Variants in ZC3H12C observed in about 807,000 individuals in gnomAD.
ZC3H12C encodes probable ribonuclease ZC3H12C.
Under a neutral mutation model 76.3 loss-of-function variants are expected in ZC3H12C, and 20 were observed. The ratio of observed to expected loss-of-function variants is 0.26; its 90% CI spans 0.18 to 0.38. The LOEUF (loss-of-function observed/expected upper bound fraction) is 0.38. ZC3H12C is among the 10% of genes least tolerant of loss of function. The probability of loss-of-function intolerance (pLI) is 1.00; values close to 1 mark genes in which losing one functional copy is unlikely to be tolerated. For synonymous variants in ZC3H12C, 352 were observed against 399.6 expected, an observed-to-expected ratio of 0.88 and a Z score of 1.42; for missense variants, 874 against 1,086.5, an observed-to-expected ratio of 0.80 and a Z score of 2.75.
intron 1 of ZC3H12C, among the ~76,000 whole-genome samples, chr11:110,127,833 T>G (rs569609202): frequency 6.6e-6 from 1 of 151,398 alleles, no homozygotes. Flanking sequence ...GAGGTGGAGG[T>G]TGCACTAAGC....
intron 1 of ZC3H12C, among the ~76,000 whole-genome samples, chr11:110,120,220 A>C (rs1354159700): frequency 6.6e-6 from 1 of 152,166 alleles, no homozygotes; most frequent in Non-Finnish European, 1.5e-5. Flanking sequence ...CATTTTTATC[A>C]GCCTATCAAT....
rs1194141166 is a variant in ZC3H12C, at chr11:110,164,221, C to T, written c.1256-120C>T. 4.6e-6 allele frequency: 4 copies of T among 870,436 alleles called. No homozygotes were observed. Among genetic ancestry groups the T allele is most frequent in the Non-Finnish European group, 6.9e-6 (4 of 582,714 alleles). 53.9% of individuals were successfully genotyped at this position (870,436 alleles called of 1,614,324 possible). A position where few individuals can be genotyped will look rare whatever the true frequency, so the allele number is the denominator to read the frequency against. ...TTCTCAAGAGTAAAGAACAGAGTGA[C>T]ACTTAGCACAGCTCCCATTTCTATC... On this transcript the variant is annotated intron_variant, in intron 5 of 5. Coordinates refer to ENST00000278590, the MANE Select transcript of ZC3H12C (RefSeq NM_033390.2). The surrounding 1 kb of genome is among the most constrained non-coding windows in gnomAD (Gnocchi z 5.7).
intron 3 of ZC3H12C, among the ~76,000 whole-genome samples, chr11:110,158,524 T>A (rs681149): frequency 1.3e-5 from 2 of 151,532 alleles, no homozygotes; most frequent in Admixed American, 6.6e-5. Context: ...AAAAAAAAAA[T>A]CCAACCACAG....
intron 1 of ZC3H12C, among the ~76,000 whole-genome samples, chr11:110,116,300 A>G (rs1008496613): frequency 6.6e-6 from 1 of 152,334 alleles, no homozygotes; most frequent in African/African-American, 2.4e-5. Context: ...TTAATCTTCA[A>G]TAATTTTTTT....
intron 1 of ZC3H12C, among the ~76,000 whole-genome samples, chr11:110,094,740 T>G (rs1157685487): frequency 6.6e-6 from 1 of 152,248 alleles, no homozygotes; most frequent in Non-Finnish European, 1.5e-5. Flanking sequence ...TATTTCGGAC[T>G]TGACCCCCTG....
chr11:110,164,336 C>A lies in ZC3H12C; in HGVS notation c.1256-5C>A, dbSNP rs774348736. 6.3e-7 allele frequency: 1 copy of A among 1,594,076 alleles called. No individual in the cohort carries two copies. Among genetic ancestry groups the A allele is most frequent in the Non-Finnish European group, 8.5e-7 (1 of 1,170,856 alleles). ...CCTTTGCCTAATTAATTTTACTCTT[C>A]TTAGGAAAGAAGTGTACCTATGGAC... On this transcript the variant is annotated splice_polypyrimidine_tract_variant and splice_region_variant and intron_variant, in intron 5 of 5. Coordinates refer to ENST00000278590, the MANE Select transcript of ZC3H12C (RefSeq NM_033390.2). This position sits in a 1 kb window ranked among gnomAD's most constrained non-coding sequence, Gnocchi z 5.7.
intron 1 of ZC3H12C, among the ~76,000 whole-genome samples, chr11:110,093,714 TCCCGGC>T (rs1305594816): frequency 6.6e-6 from 1 of 151,916 alleles, no homozygotes; most frequent in Non-Finnish European, 1.5e-5. Context: ...AGGCCGGGCT[TCCCGGC>T]CCCGCGGCCT....
rs1591472555 is a variant in ZC3H12C at position 110,131,308 on chromosome 11, TAAA to T, written c.22-5354_22-5352del. ...TACACTTTTCTAGTCTAGAGTTATA[TAAA>T]TAATTACTTAGAGCTTCATGAACAT... is the stretch of plus-strand genomic sequence containing the variant. On this transcript the variant is annotated intron_variant, in intron 1 of 5. Transcript: ENST00000278590. The T allele has an allele frequency of 7.0e-6, 4 of 570,894 alleles. No individual in the cohort carries two copies. In the East Asian group the frequency reaches 1.2e-4, roughly 17 times the overall value. 35.4% of individuals were successfully genotyped at this position (570,894 alleles called of 1,614,324 possible).
intron 4 of ZC3H12C, among the ~76,000 whole-genome samples, chr11:110,160,584 G>A (rs1192664935): frequency 6.6e-6 from 1 of 151,898 alleles, no homozygotes; most frequent in Non-Finnish European, 1.5e-5. Context: ...ACAGGGTCAG[G>A]ATCATCAAAA....
At chr11:110,157,430 CTTTTTTT>C (rs1238127792) in intron 3 of ZC3H12C, among the ~76,000 whole-genome samples, 1 of 114,052 alleles carries the variant, frequency 8.8e-6, no homozygotes, top group Non-Finnish European at 1.9e-5. Context: ...AAGGTCTGGT[CTTTTTTT>C]TTTTTTTTTT....
At chr11:110,133,398 T>C (rs1015210483) in intron 1 of ZC3H12C, among the ~76,000 whole-genome samples, 1 of 152,204 alleles carries the variant, frequency 6.6e-6, no homozygotes, top group Non-Finnish European at 1.5e-5. Context: ...CACGATGACA[T>C]TGGATAACCT....
At chr11:110,111,041 C>G (rs1861418733) in intron 1 of ZC3H12C, among the ~76,000 whole-genome samples, 1 of 152,138 alleles carries the variant, frequency 6.6e-6, no homozygotes, top group Non-Finnish European at 1.5e-5. Context: ...TGCAGCTTAG[C>G]TTCGAGATCA....
At chr11:110,105,080 T>C (rs1335183138) in intron 1 of ZC3H12C, among the ~76,000 whole-genome samples, 1 of 152,234 alleles carries the variant, frequency 6.6e-6, no homozygotes, top group African/African-American at 2.4e-5. Context: ...TTCAAAATTA[T>C]GTGGGCTTAA....
At chr11:110,113,738 C>T (rs560050950) in intron 1 of ZC3H12C, among the ~76,000 whole-genome samples, 1 of 152,304 alleles carries the variant, frequency 6.6e-6, no homozygotes, top group Admixed American at 6.5e-5. Context: ...ACTCCTTCCT[C>T]TTTTGTCTTT....
intron 1 of ZC3H12C, among the ~76,000 whole-genome samples, chr11:110,101,852 A>G (rs1031242660): frequency 6.6e-6 from 1 of 152,042 alleles, no homozygotes; most frequent in Admixed American, 6.6e-5. Context: ...ACCCAGCCCA[A>G]TGCTATTAAT....
intron 3 of ZC3H12C, among the ~76,000 whole-genome samples, 164 bp from the exon 4 acceptor site, chr11:110,159,092 T>C (rs1862430769): frequency 6.6e-6 from 1 of 152,222 alleles, no homozygotes; most frequent in Admixed American, 6.5e-5. Flanking sequence ...AAAAATACTA[T>C]TGAGAGTTGG....
intron 2 of ZC3H12C, among the ~76,000 whole-genome samples, chr11:110,152,506 A>G (rs1318725749): frequency 6.7e-6 from 1 of 148,248 alleles, no homozygotes; most frequent in Admixed American, 6.9e-5. Context: ...TTAGAAACTC[A>G]TAAGTATTCA....
At chr11:110,143,484 T>C (rs930944065) in intron 2 of ZC3H12C, among the ~76,000 whole-genome samples, 3 of 151,764 alleles carry the variant, frequency 2.0e-5, no homozygotes, top group Non-Finnish European at 4.4e-5. Flanking sequence ...GAAGAGTACC[T>C]GGACTTTATA....
intron 1 of ZC3H12C, among the ~76,000 whole-genome samples, chr11:110,102,219 C>A (rs562488394): frequency 6.7e-6 from 1 of 148,956 alleles, no homozygotes; most frequent in Non-Finnish European, 1.5e-5. Flanking sequence ...TGGATCTGGG[C>A]AAAATACACT....
Sources: allele counts gnomAD v4.1 joint callset (sites outside exome capture counted in the v4.1 genomes callset), GRCh38; gene constraint gnomAD v4.1.1; non-coding constraint Gnocchi (gnomAD v3.1); transcripts MANE v1.5; gene names NCBI Gene and HGNC (gene_info 2026-07-23, HGNC 2026-07-21).